ZNF536: variants seen among roughly 807,000 people sequenced by gnomAD.
ZNF536 encodes the protein zinc finger protein 536.
In ZNF536, 13 loss-of-function variants were observed where a neutral mutation model predicts 84.5. That is an observed-to-expected ratio of 0.15 (90% confidence interval 0.10 to 0.24). The LOEUF is 0.24. Among genes scored for constraint, ZNF536 ranks in the 10% least tolerant of loss-of-function variants. ZNF536 has a pLI of 1.00. For synonymous variants in ZNF536, 811 were observed against 742.5 expected (o/e 1.09, Z -1.50); for missense variants, 1,536 against 1,747.5 (o/e 0.88, Z 2.16).
At chr19:30,356,764 A>G (rs541958586) in intron 3 of ZNF536, among the ~76,000 whole-genome samples, 7 of 152,338 alleles carry the variant, frequency 4.6e-5, no homozygotes, top group Admixed American at 4.6e-4. Flanking sequence ...GCATTTCTTG[A>G]TATCATCTCA....
intron 1 of ZNF536, among the ~76,000 whole-genome samples, chr19:30,424,800 G>A (rs2051140628): frequency 1.3e-5 from 2 of 152,150 alleles, no homozygotes; most frequent in South Asian, 4.1e-4. Flanking sequence ...AGACCCCTGG[G>A]CAAATGGCTA....
intron 2 of ZNF536, among the ~76,000 whole-genome samples, chr19:30,339,782 C>T (rs776720817): frequency 1.2e-4 from 18 of 152,164 alleles, no homozygotes; most frequent in Admixed American, 5.9e-4. Flanking sequence ...CCAGCAGCCA[C>T]GTTCTGAGCA....
At chr19:30,432,175 T>G (rs999684572) in intron 1 of ZNF536, among the ~76,000 whole-genome samples, 1 of 151,992 alleles carries the variant, frequency 6.6e-6, no homozygotes, top group African/African-American at 2.4e-5. Flanking sequence ...CTGGGTGAAA[T>G]GGGAGCCCTG....
chr19:30,683,859 T>A (rs1380501761), intron 1 of ZNF536, among the ~76,000 whole-genome samples: 1 of 152,208 alleles, frequency 6.6e-6, no homozygotes, highest in Non-Finnish European at 1.5e-5. Context: ...CATGCTCAAC[T>A]CACATTTCTT....
chr19:30,634,745 C>G (rs1369680646), intron 1 of ZNF536, among the ~76,000 whole-genome samples: 1 of 152,080 alleles, frequency 6.6e-6, no homozygotes, highest in African/African-American at 2.4e-5. Flanking sequence ...CTCACACAAT[C>G]CAACCAGAAA....
chr19:30,650,802 CA>C (rs1446264298), intron 1 of ZNF536, among the ~76,000 whole-genome samples: 1 of 152,156 alleles, frequency 6.6e-6, no homozygotes, highest in African/African-American at 2.4e-5. Context: ...AATGAAATGG[CA>C]AAGCCCTCAC....
At position 30,478,453 on chromosome 19, in the gene ZNF536, G is replaced by A. The variant is rs188412537; in HGVS notation, c.2170+32721G>A. Among the ~76,000 whole-genome samples, 476 of 152,210 alleles carry A rather than the reference G, an allele frequency of 3.1e-3. 7 individuals are homozygous for A. Among genetic ancestry groups the A allele is most frequent in the Non-Finnish European group, 1.7e-3 (116 of 68,004 alleles). ...AGCTCTGATCTTAGAAAGCCTTTCA[G>A]ATGGGGGGATCCTAGTGAAGCTCAT... On this transcript the variant is annotated intron_variant, in intron 2 of 4. Transcript: ENST00000355537.
chr19:30,242,642 C>G (rs1199564104), intron 1 of ZNF536, among the ~76,000 whole-genome samples: 2 of 152,154 alleles, frequency 1.3e-5, no homozygotes, highest in Non-Finnish European at 1.5e-5. Context: ...GGTTCTTACT[C>G]CCCATCCCCA....
rs79043555 is a variant in ZNF536, at chr19:30,485,984, T to G, written c.2170+40252T>G. ...GCTGTGGAAGTTGCTCCGAGACCAGTAAAGGTGTGTTTCATTAGGTGGGGG... is the reference window on the plus strand; with the variant it reads ...GCTGTGGAAGTTGCTCCGAGACCAGGAAAGGTGTGTTTCATTAGGTGGGGG... On this transcript the variant is annotated intron_variant, in intron 2 of 4. Transcript: ENST00000355537. Among the ~76,000 whole-genome samples, 45 of 152,236 alleles carry G rather than the reference T, an allele frequency of 3.0e-4. 1 individual carries two copies. In the East Asian group the frequency reaches 7.7e-3, roughly 26 times the overall value.
chr19:30,360,722 C>G (rs865861924), intron 3 of ZNF536, among the ~76,000 whole-genome samples: 1 of 152,204 alleles, frequency 6.6e-6, no homozygotes, highest in Non-Finnish European at 1.5e-5. Flanking sequence ...CTGGGGAAGA[C>G]CACTGGCTAA....
chr19:30,609,721 TCCATCCATCCAC>T (rs1022263890), intron 1 of ZNF536, among the ~76,000 whole-genome samples: 10 of 152,112 alleles, frequency 6.6e-5, no homozygotes, highest in Admixed American at 5.2e-4. Flanking sequence ...TATTCATCCA[TCCATCCATCCAC>T]CCATCCATCC....
chr19:30,250,099 T>C (rs894257646), intron 1 of ZNF536, among the ~76,000 whole-genome samples: 4 of 152,206 alleles, frequency 2.6e-5, no homozygotes, highest in Non-Finnish European at 4.4e-5. Flanking sequence ...AGCCTTGTTG[T>C]GTGACTCTGA....
At chr19:30,454,674 G>A (rs1479185457) in intron 2 of ZNF536, among the ~76,000 whole-genome samples, 2 of 152,210 alleles carry the variant, frequency 1.3e-5, no homozygotes, top group Non-Finnish European at 2.9e-5. Flanking sequence ...GCTTGGCAGT[G>A]TTCATGTCCG....
chr19:30,653,269 G>C (rs2049777445), intron 1 of ZNF536, among the ~76,000 whole-genome samples: 1 of 152,182 alleles, frequency 6.6e-6, no homozygotes, highest in Admixed American at 6.5e-5. Flanking sequence ...CCAGGGTCAT[G>C]GCTGTGCTGC....
chr19:30,568,302 CCGGGGGAAGAGGCA>C (rs2046423618), intron 1 of ZNF536, among the ~76,000 whole-genome samples: 2 of 152,110 alleles, frequency 1.3e-5, no homozygotes, highest in Admixed American at 1.3e-4. Context: ...TTGGGAGTTT[CCGGGGGAAGAGGCA>C]TCATTTTCCA....
chr19:30,414,803 A>G (rs1488263801), intron 1 of ZNF536, among the ~76,000 whole-genome samples: 1 of 152,192 alleles, frequency 6.6e-6, no homozygotes, highest in African/African-American at 2.4e-5. Context: ...ACCTTTAATG[A>G]TTTCAGAGTG....
chr19:30,400,814 T>C (rs1340196371), intron 1 of ZNF536, among the ~76,000 whole-genome samples: 1 of 152,194 alleles, frequency 6.6e-6, no homozygotes, highest in Non-Finnish European at 1.5e-5. Context: ...GTAGCTTGTC[T>C]TTTTATCTTC....
At chr19:30,417,809 G>C (rs2050797643) in intron 1 of ZNF536, among the ~76,000 whole-genome samples, 1 of 152,144 alleles carries the variant, frequency 6.6e-6, no homozygotes, top group African/African-American at 2.4e-5. Flanking sequence ...GCCCAGGTTG[G>C]ATTGTAGTGG....
At chr19:30,456,041 A>T (rs546493031) in intron 2 of ZNF536, among the ~76,000 whole-genome samples, 6 of 152,322 alleles carry the variant, frequency 3.9e-5, no homozygotes, top group African/African-American at 1.4e-4. Flanking sequence ...TAAACACTCA[A>T]TTCTTTCATA....
Sources: gnomAD v4.1 joint callset for allele counts (sites outside exome capture counted in the v4.1 genomes callset) on GRCh38, gnomAD v4.1.1 for gene constraint, MANE v1.5 for transcripts, NCBI Gene and HGNC (gene_info 2026-07-23, HGNC 2026-07-21) for gene names.